The following ZFPM2 variants were observed in gnomAD, a reference collection of about 807,000 sequenced individuals.
ZFPM2 encodes zinc finger protein, FOG family member 2.
A neutral mutation model predicts 98.6 loss-of-function variants in ZFPM2; 20 were observed. The observed-to-expected ratio is 0.20, with a 90% CI of 0.14 to 0.29. The LOEUF (loss-of-function observed/expected upper bound fraction) is 0.29. Ranked by LOEUF, ZFPM2 falls within the 10% of genes least tolerant of loss-of-function variation. ZFPM2 has a pLI of 1.00. For missense variants in ZFPM2, 1,310 were observed against 1,388.6 expected (o/e 0.94, Z 0.90); for synonymous variants, 518 against 502.7 (o/e 1.03, Z -0.41).
At chr8:105,749,248 G>A (rs1812420215) in intron 5 of ZFPM2, among the ~76,000 whole-genome samples, 1 of 152,026 alleles carries the variant, frequency 6.6e-6, no homozygotes, top group Admixed American at 6.6e-5. Flanking sequence ...AAGAAAAGTA[G>A]TCTGCCTCTA....
At chr8:105,509,084 G>T (rs1813761933) in intron 3 of ZFPM2, among the ~76,000 whole-genome samples, 1 of 152,146 alleles carries the variant, frequency 6.6e-6, no homozygotes, top group East Asian at 1.9e-4. Context: ...ATATATAGCA[G>T]CAACAATTGA....
intron 5 of ZFPM2, among the ~76,000 whole-genome samples, chr8:105,765,682 A>G (rs1204169267): frequency 6.6e-6 from 1 of 151,896 alleles, no homozygotes; most frequent in Non-Finnish European, 1.5e-5. Context: ...TCCCTATTTC[A>G]TGCCATTATT....
intron 1 of ZFPM2, among the ~76,000 whole-genome samples, chr8:105,354,637 T>G (rs1273259472): frequency 6.6e-6 from 1 of 152,210 alleles, no homozygotes; most frequent in Non-Finnish European, 1.5e-5. Context: ...GTGTTCTGTC[T>G]GATGCATTTA....
intron 3 of ZFPM2, among the ~76,000 whole-genome samples, chr8:105,468,401 C>T (rs1331992523): frequency 1.3e-5 from 2 of 152,038 alleles, no homozygotes; most frequent in Non-Finnish European, 2.9e-5. Context: ...ACGCTTTATC[C>T]CTCTCCATCA....
At chr8:105,643,056 T>A (rs763218576) in intron 5 of ZFPM2, among the ~76,000 whole-genome samples, 2 of 152,132 alleles carry the variant, frequency 1.3e-5, no homozygotes, top group African/African-American at 2.4e-5. Flanking sequence ...CTGAAAACCT[T>A]AGCATGGAAG....
chr8:105,785,925 C>T (rs1813401759), intron 5 of ZFPM2, among the ~76,000 whole-genome samples: 1 of 151,740 alleles, frequency 6.6e-6, no homozygotes. Context: ...GCCTGTAGTC[C>T]CAGCTACTCG....
intron 5 of ZFPM2, chr8:105,787,594 G>A (rs1045358279): frequency 1.3e-5 from 2 of 152,202 alleles, no homozygotes; most frequent in East Asian, 1.9e-4. Context: ...AAAACCATGA[G>A]CTCTAAGGGT....
chr8:105,788,881 G>A lies in ZFPM2; in HGVS notation c.696G>A (p.Gln232=). 1 of 1,613,810 alleles carries A rather than the reference G, an allele frequency of 6.2e-7. No homozygotes were observed. The highest frequency in any genetic ancestry group is 8.5e-7 in the Non-Finnish European group (1 of 1,179,834). The change falls in exon 6 of 8, where the codon CAG becomes CAA. Residue 232 remains glutamine, a synonymous_variant. Transcript: ENST00000407775. ...RLLDSIQLLP[Q]QAAMASILPT... ...TGGACTCAATTCAGCTGCTTCCTCA[G>A]CAAGCTGCCATGGCTTCTATTTTGC...
intron 5 of ZFPM2, among the ~76,000 whole-genome samples, chr8:105,763,015 GA>G (rs1216982555): frequency 6.8e-6 from 1 of 146,986 alleles, no homozygotes; most frequent in African/African-American, 2.5e-5. Flanking sequence ...AATATATAGA[GA>G]AAAAATAAAA....
chr8:105,721,041 C>T (rs1294927430), intron 5 of ZFPM2, among the ~76,000 whole-genome samples: 2 of 151,846 alleles, frequency 1.3e-5, no homozygotes, highest in Admixed American at 6.6e-5. Context: ...TTTAGCGACC[C>T]ATGCAGGCAA....
chr8:105,657,462 G>T (rs1322670893), intron 5 of ZFPM2, among the ~76,000 whole-genome samples: 1 of 152,070 alleles, frequency 6.6e-6, no homozygotes, highest in Non-Finnish European at 1.5e-5. Context: ...ATTCTTAAGA[G>T]ATTTTGCATT....
At chr8:105,581,037 T>A (rs1378173523) in intron 4 of ZFPM2, among the ~76,000 whole-genome samples, 1 of 151,998 alleles carries the variant, frequency 6.6e-6, no homozygotes, top group Non-Finnish European at 1.5e-5. Flanking sequence ...ATTTGAACTA[T>A]TTTTCACTAA....
At chr8:105,442,470 A>G (rs1241756885) in intron 2 of ZFPM2, among the ~76,000 whole-genome samples, 1 of 152,214 alleles carries the variant, frequency 6.6e-6, no homozygotes, top group Non-Finnish European at 1.5e-5. Context: ...TTCTGTAAAT[A>G]TCATCCTGCA....
chr8:105,642,072 C>T (rs1816958369), intron 5 of ZFPM2, among the ~76,000 whole-genome samples: 2 of 152,034 alleles, frequency 1.3e-5, no homozygotes, highest in Admixed American at 6.6e-5. Context: ...GCTTGTCATT[C>T]AAAGAGATGC....
At chr8:105,373,233 A>AT (rs1453670797) in intron 1 of ZFPM2, among the ~76,000 whole-genome samples, 2 of 152,130 alleles carry the variant, frequency 1.3e-5, no homozygotes, top group African/African-American at 4.8e-5. Flanking sequence ...CCATATTTTA[A>AT]TTTTTACTTC....
At chr8:105,679,256 A>G (rs1291590117) in intron 5 of ZFPM2, among the ~76,000 whole-genome samples, 2 of 152,196 alleles carry the variant, frequency 1.3e-5, no homozygotes, top group African/African-American at 2.4e-5. Context: ...TGATTGGGCA[A>G]CATTAGTTTC....
chr8:105,334,532 A>C (rs762221914), intron 1 of ZFPM2, among the ~76,000 whole-genome samples: 1 of 151,822 alleles, frequency 6.6e-6, no homozygotes, highest in South Asian at 2.1e-4. Flanking sequence ...TCTCAGCAGC[A>C]TAGGTCATGG....
chr8:105,718,831 A>G (rs1311103468), intron 5 of ZFPM2, among the ~76,000 whole-genome samples: 1 of 151,894 alleles, frequency 6.6e-6, no homozygotes, highest in Non-Finnish European at 1.5e-5. Flanking sequence ...GTCTCATTTC[A>G]TTATGTTTGA....
intron 5 of ZFPM2, among the ~76,000 whole-genome samples, chr8:105,730,735 C>G (rs182725198): frequency 1.7e-3 from 254 of 149,410 alleles, no homozygotes; most frequent in Non-Finnish European, 3.1e-3. Context: ...ACACCTCGTT[C>G]TGTCTAGAAG....
Sources: allele counts gnomAD v4.1 joint callset (sites outside exome capture counted in the v4.1 genomes callset), GRCh38; gene constraint gnomAD v4.1.1; transcripts MANE v1.5; gene names NCBI Gene and HGNC (gene_info 2026-07-23, HGNC 2026-07-21).